The following NTM variants were observed in gnomAD, a reference collection of about 807,000 sequenced individuals.
The protein encoded by NTM is neurotrimin.
NTM carries 13 observed loss-of-function variants against 42.1 expected under a neutral mutation model. That is an observed-to-expected ratio of 0.31 (90% confidence interval 0.20 to 0.49). The LOEUF (loss-of-function observed/expected upper bound fraction) is 0.49, where lower values mean the gene tolerates loss of function less well. Among genes scored for constraint, NTM ranks in the 20% least tolerant of loss-of-function variants. The probability of loss-of-function intolerance (pLI) is 0.99; values close to 1 mark genes in which losing one functional copy is unlikely to be tolerated. For synonymous variants in NTM, 187 were observed against 179.2 expected, an observed-to-expected ratio of 1.04 and a Z score of -0.35; for missense variants, 373 against 452.8, an observed-to-expected ratio of 0.82 and a Z score of 1.60.
At chr11:131,911,422 T>C in intron 1 of NTM, 142 bp from the exon 2 acceptor site, 1 of 1,607,594 alleles carries the variant, frequency 6.2e-7, no homozygotes, top group South Asian at 1.1e-5. Flanking sequence ...CTTCCTGTGC[T>C]CGCCCGGGGG....
chr11:131,882,339 T>C (rs2049669886), intron 1 of NTM, among the ~76,000 whole-genome samples: 1 of 152,212 alleles, frequency 6.6e-6, no homozygotes, highest in South Asian at 2.1e-4. Context: ...CAGAATTCCC[T>C]CATCTTCAAG....
At chr11:131,432,585 C>T (rs886436423) in intron 1 of NTM, among the ~76,000 whole-genome samples, 5 of 152,022 alleles carry the variant, frequency 3.3e-5, no homozygotes, top group Admixed American at 6.6e-5. Context: ...GTCAGAGGAC[C>T]TCAAGTCTGA....
At chr11:131,748,349 T>C (rs1253534436) in intron 1 of NTM, among the ~76,000 whole-genome samples, 1 of 152,240 alleles carries the variant, frequency 6.6e-6, no homozygotes, top group African/African-American at 2.4e-5. Context: ...TTCTGGATTC[T>C]CACCGGCAGG....
chr11:131,411,650 C>T (rs553210560), intron 1 of NTM, among the ~76,000 whole-genome samples: 155 of 150,254 alleles, frequency 1.0e-3, no homozygotes, highest in African/African-American at 3.7e-3. Flanking sequence ...TCTTAGGGGT[C>T]CTGAAATCAG....
chr11:131,601,062 C>G (rs2060443410), intron 1 of NTM, among the ~76,000 whole-genome samples: 1 of 152,166 alleles, frequency 6.6e-6, no homozygotes, highest in African/African-American at 2.4e-5. Flanking sequence ...GATGGGGCAC[C>G]TCTCCATGCC....
At chr11:132,170,831 C>T (rs188199045) in intron 3 of NTM, among the ~76,000 whole-genome samples, 149 of 152,182 alleles carry the variant, frequency 9.8e-4, no homozygotes, top group Admixed American at 2.2e-3. Context: ...TGTCAGGCAC[C>T]GTGGCAAGTG....
intron 1 of NTM, among the ~76,000 whole-genome samples, chr11:131,482,685 C>T (rs1953733904): frequency 6.6e-6 from 1 of 152,148 alleles, no homozygotes; most frequent in Non-Finnish European, 1.5e-5. Context: ...AGAGATTTAA[C>T]CTCCAAAAGA....
intron 1 of NTM, among the ~76,000 whole-genome samples, chr11:131,615,649 C>T (rs1338735507): frequency 6.6e-6 from 1 of 152,166 alleles, no homozygotes; most frequent in Non-Finnish European, 1.5e-5. Context: ...GGATCACAGG[C>T]GTGAGCCACC....
intron 1 of NTM, among the ~76,000 whole-genome samples, chr11:131,461,275 T>C (rs1406723859): frequency 6.6e-6 from 1 of 152,204 alleles, no homozygotes; most frequent in Non-Finnish European, 1.5e-5. Flanking sequence ...CAAAGTAGAA[T>C]GTCTACTACT....
chr11:131,443,631 C>T (rs1174373513), intron 1 of NTM, among the ~76,000 whole-genome samples: 1 of 152,162 alleles, frequency 6.6e-6, no homozygotes. Flanking sequence ...GTGTTATTCC[C>T]TTTCCTAACT....
chr11:131,863,109 A>G (rs530712376), intron 1 of NTM, among the ~76,000 whole-genome samples: 1 of 152,330 alleles, frequency 6.6e-6, no homozygotes, highest in Non-Finnish European at 1.5e-5. Context: ...TGCTACTCAC[A>G]TGTATGGTGT....
At chr11:131,733,910 T>A (rs1307259628) in intron 1 of NTM, among the ~76,000 whole-genome samples, 1 of 152,266 alleles carries the variant, frequency 6.6e-6, no homozygotes, top group Non-Finnish European at 1.5e-5. Flanking sequence ...ATTACCATAT[T>A]GTTGATCATT....
chr11:131,487,185 C>T (rs1007929679), intron 1 of NTM, among the ~76,000 whole-genome samples: 5 of 152,202 alleles, frequency 3.3e-5, no homozygotes, highest in African/African-American at 9.6e-5. Flanking sequence ...GGTGGTCAGT[C>T]TCTTCTCCAT....
chr11:131,430,809 G>A (rs1295295134), intron 1 of NTM, among the ~76,000 whole-genome samples: 2 of 152,310 alleles, frequency 1.3e-5, no homozygotes, highest in South Asian at 2.1e-4. Context: ...CAGCAGCCAG[G>A]ACCTTTCTGG....
At chr11:131,975,868 A>G (rs560033327) in intron 2 of NTM, among the ~76,000 whole-genome samples, 1 of 152,094 alleles carries the variant, frequency 6.6e-6, no homozygotes, top group Non-Finnish European at 1.5e-5. Context: ...ATTTCCTGTC[A>G]TTTATTCTGG....
chr11:131,625,556 C>G, intron 1 of NTM, among the ~76,000 whole-genome samples: 1 of 151,790 alleles, frequency 6.6e-6, no homozygotes, highest in Non-Finnish European at 1.5e-5. Context: ...AGAAGAAAGG[C>G]TTCATTTTTT....
chr11:132,044,582 C>T (rs1323952864), intron 2 of NTM, among the ~76,000 whole-genome samples: 1 of 152,120 alleles, frequency 6.6e-6, no homozygotes, highest in African/African-American at 2.4e-5. Context: ...TGGCCGACAA[C>T]TGAGGGAAGC....
chr11:131,572,138 G>A (rs946067532), intron 1 of NTM, among the ~76,000 whole-genome samples: 1 of 152,142 alleles, frequency 6.6e-6, no homozygotes, highest in Non-Finnish European at 1.5e-5. Flanking sequence ...GTGCCCTCTC[G>A]CATGCAGAGA....
At chr11:131,697,296 G>C (rs1366922292) in intron 1 of NTM, among the ~76,000 whole-genome samples, 2 of 152,240 alleles carry the variant, frequency 1.3e-5, no homozygotes, top group Non-Finnish European at 2.9e-5. Flanking sequence ...ACTGAGGGCT[G>C]CGGCCTGTGC....
Sources: gnomAD v4.1 joint callset for allele counts (sites outside exome capture counted in the v4.1 genomes callset) on GRCh38, gnomAD v4.1.1 for gene constraint, MANE v1.5 for transcripts, NCBI Gene and HGNC (gene_info 2026-07-23, HGNC 2026-07-21) for gene names.